The following PDE10A variants were observed in gnomAD, a reference collection of about 807,000 sequenced individuals.
The protein encoded by PDE10A is phosphodiesterase 10A.
In PDE10A, 39 loss-of-function variants were observed where a neutral mutation model predicts 97.7. The observed-to-expected ratio is 0.40, with a 90% confidence interval of 0.31 to 0.52. The LOEUF (loss-of-function observed/expected upper bound fraction) is 0.52. PDE10A is among the 20% of genes least tolerant of loss of function. PDE10A has a pLI of 0.56. For synonymous variants in PDE10A, 371 were observed against 376.8 expected, an observed-to-expected ratio of 0.98 and a Z score of 0.18; for missense variants, 731 against 1,047.8, an observed-to-expected ratio of 0.70 and a Z score of 4.17.
intron 1 of PDE10A, among the ~76,000 whole-genome samples, chr6:165,844,664 T>C (rs2128473792): frequency 6.6e-6 from 1 of 152,386 alleles, no homozygotes; most frequent in South Asian, 2.1e-4. Flanking sequence ...CCTTATTCAT[T>C]TTGACCTAAT....
At chr6:165,551,542 A>T (rs1298870440) in intron 1 of PDE10A, among the ~76,000 whole-genome samples, 1 of 152,228 alleles carries the variant, frequency 6.6e-6, no homozygotes, top group African/African-American at 2.4e-5. Context: ...ATATAACAGG[A>T]AAATGAAGCA....
chr6:165,786,462 A>G (rs1263847818), intron 1 of PDE10A, among the ~76,000 whole-genome samples: 1 of 152,254 alleles, frequency 6.6e-6, no homozygotes, highest in Non-Finnish European at 1.5e-5. Context: ...GTTAGTATCA[A>G]AATAATTTAA....
chr6:165,352,613 A>T (rs965302421), intron 18 of PDE10A, among the ~76,000 whole-genome samples: 5 of 152,198 alleles, frequency 3.3e-5, no homozygotes, highest in African/African-American at 1.2e-4. Context: ...TTCCATTTTT[A>T]ACAAATGGTG....
chr6:165,867,513 G>A (rs146343810), intron 1 of PDE10A, among the ~76,000 whole-genome samples: 35 of 152,162 alleles, frequency 2.3e-4, no homozygotes, highest in African/African-American at 7.2e-4. Context: ...CAACACCAGA[G>A]TACCCTGATA....
At chr6:165,697,249 G>A (rs2128442976) in intron 1 of PDE10A, among the ~76,000 whole-genome samples, 1 of 152,176 alleles carries the variant, frequency 6.6e-6, no homozygotes, top group Admixed American at 6.5e-5. Flanking sequence ...TCAAAGACAA[G>A]GGAACATTTT....
chr6:165,483,897 T>G (rs1490000638), intron 2 of PDE10A, among the ~76,000 whole-genome samples: 2 of 152,242 alleles, frequency 1.3e-5, no homozygotes, highest in Non-Finnish European at 2.9e-5. Flanking sequence ...CAAACTTGAG[T>G]GTGCATAAGA....
Position 165,793,452 on chromosome 6 carries a change from G to A in PDE10A, c.-615+194077C>T, listed in dbSNP as rs1395500538. 4.6e-5 allele frequency among the ~76,000 whole-genome samples: 7 copies of A among 152,134 alleles called. No individual in the cohort carries two copies. In the South Asian group the frequency reaches 6.2e-4, roughly 14 times the overall value. Reference sequence around the variant, plus strand: ...CATTCTGGACAGTGGGAGAGCCTGCGAGTCCTCTCCCTGCTGCCTGAGACC... The same window carrying A: ...CATTCTGGACAGTGGGAGAGCCTGCAAGTCCTCTCCCTGCTGCCTGAGACC... On this transcript the variant is annotated intron_variant, in intron 1 of 19. Coordinates refer to the PDE10A transcript ENST00000366882.
intron 1 of PDE10A, among the ~76,000 whole-genome samples, chr6:165,804,394 G>T (rs1484122368): frequency 6.6e-6 from 1 of 152,088 alleles, no homozygotes; most frequent in Non-Finnish European, 1.5e-5. Flanking sequence ...TCGAGCATTC[G>T]TTTGCTTCGT....
intron 1 of PDE10A, among the ~76,000 whole-genome samples, chr6:165,693,236 A>G (rs1420034125): frequency 3.3e-5 from 5 of 152,160 alleles, no homozygotes; most frequent in Non-Finnish European, 5.9e-5. Flanking sequence ...TGAAACATTT[A>G]AAAGTGCACT....
chr6:165,575,074 C>A (rs1785234477), intron 1 of PDE10A, among the ~76,000 whole-genome samples: 1 of 152,134 alleles, frequency 6.6e-6, no homozygotes, highest in African/African-American at 2.4e-5. Context: ...CACTGTTCAT[C>A]TAGTTTCTCT....
At chr6:165,666,284 A>G (rs1790494169), upstream of PDE10A, among the ~76,000 whole-genome samples, 1 of 152,190 alleles carries the variant, frequency 6.6e-6, no homozygotes, top group Admixed American at 6.5e-5. Flanking sequence ...TCCTTTTTTA[A>G]ATAATAACCT....
chr6:165,656,976 T>A (rs1790000602), intron 1 of PDE10A, among the ~76,000 whole-genome samples: 1 of 152,216 alleles, frequency 6.6e-6, no homozygotes, highest in Non-Finnish European at 1.5e-5. Flanking sequence ...CAAAGAGTGC[T>A]CATCGATTTC....
intron 1 of PDE10A, among the ~76,000 whole-genome samples, chr6:165,900,344 T>C (rs1295935568): frequency 2.0e-5 from 3 of 152,058 alleles, no homozygotes; most frequent in Admixed American, 6.6e-5. Flanking sequence ...TGATGTCAGG[T>C]GCCAGTAATC....
intron 1 of PDE10A, among the ~76,000 whole-genome samples, chr6:165,972,544 A>G (rs1004865966): frequency 4.6e-5 from 7 of 152,116 alleles, no homozygotes; most frequent in African/African-American, 1.7e-4. Context: ...AATGTTTTCA[A>G]TCCAGCTGGG....
intron 10 of PDE10A, among the ~76,000 whole-genome samples, chr6:165,426,430 A>C (rs1369065014): frequency 6.6e-6 from 1 of 152,170 alleles, no homozygotes; most frequent in Non-Finnish European, 1.5e-5. Flanking sequence ...CTACATGGAA[A>C]AGAATGAAAC....
intron 2 of PDE10A, among the ~76,000 whole-genome samples, chr6:165,498,465 A>AAAAAAAAAAAAAAAC: frequency 7.3e-6 from 1 of 136,680 alleles, no homozygotes; most frequent in Non-Finnish European, 1.6e-5. Flanking sequence ...AAAAAAAAAA[A>AAAAAAAAAAAAAAAC]ATCAGTAACA....
chr6:165,773,829 C>G (rs1778085676), intron 1 of PDE10A, among the ~76,000 whole-genome samples: 2 of 152,042 alleles, frequency 1.3e-5, no homozygotes, highest in South Asian at 4.2e-4. Context: ...CATAAGAACT[C>G]AAAACCTTAG....
intron 1 of PDE10A, among the ~76,000 whole-genome samples, chr6:165,722,422 C>T (rs936810339): frequency 4.6e-5 from 7 of 152,230 alleles, no homozygotes; most frequent in Non-Finnish European, 7.3e-5. Context: ...AGACATCCAA[C>T]GGATGCCTGA....
chr6:165,587,919 C>T (rs1786010535), intron 1 of PDE10A, among the ~76,000 whole-genome samples: 1 of 152,132 alleles, frequency 6.6e-6, no homozygotes, highest in African/African-American at 2.4e-5. Context: ...GTATGGACGG[C>T]TTAGAGATCT....
Sources: allele counts gnomAD v4.1 joint callset (sites outside exome capture counted in the v4.1 genomes callset), GRCh38; gene constraint gnomAD v4.1.1; transcripts MANE v1.5; gene names NCBI Gene and HGNC (gene_info 2026-07-23, HGNC 2026-07-21).